Variants in TBC1D22A observed in about 807,000 individuals in gnomAD.
The protein encoded by TBC1D22A is putative GTPase activator.
Under a neutral mutation model 60.2 loss-of-function variants are expected in TBC1D22A, and 38 were observed. That is an observed-to-expected ratio of 0.63 (90% CI 0.49 to 0.83). The LOEUF (loss-of-function observed/expected upper bound fraction) is 0.83. TBC1D22A is among the 40% of genes least tolerant of loss of function. The probability of loss-of-function intolerance (pLI) is 0.00; values close to 1 mark genes in which losing one functional copy is unlikely to be tolerated. For synonymous variants in TBC1D22A, 302 were observed against 281.7 expected, an observed-to-expected ratio of 1.07 and a Z score of -0.72; for missense variants, 628 against 701.0, an observed-to-expected ratio of 0.90 and a Z score of 1.18.
intron 8 of TBC1D22A, among the ~76,000 whole-genome samples, chr22:46,927,573 G>A (rs1480986799): frequency 1.3e-5 from 2 of 152,090 alleles, no homozygotes; most frequent in African/African-American, 4.8e-5. Flanking sequence ...TTCTATTTTA[G>A]TACTGGTTCT....
intron 10 of TBC1D22A, among the ~76,000 whole-genome samples, chr22:47,016,525 T>C (rs968030050): frequency 3.3e-5 from 5 of 152,230 alleles, no homozygotes; most frequent in African/African-American, 4.8e-5. Context: ...TGGCTCATCC[T>C]GAGGACTGGG....
intron 8 of TBC1D22A, among the ~76,000 whole-genome samples, chr22:46,966,231 T>C (rs1456675374): frequency 2.6e-5 from 4 of 152,172 alleles, no homozygotes; most frequent in Non-Finnish European, 5.9e-5. Context: ...TGCTCATGCT[T>C]TCCAGCCCGG....
At chr22:47,156,218 C>T (rs1174746734) in intron 12 of TBC1D22A, among the ~76,000 whole-genome samples, 1 of 152,224 alleles carries the variant, frequency 6.6e-6, no homozygotes, top group Non-Finnish European at 1.5e-5. Context: ...GGGCTGGGAC[C>T]AATCAGGGGC....
At chr22:46,932,307 A>C (rs956740622) in intron 8 of TBC1D22A, among the ~76,000 whole-genome samples, 2 of 152,234 alleles carry the variant, frequency 1.3e-5, no homozygotes, top group Non-Finnish European at 2.9e-5. Context: ...TCCCGGCCCC[A>C]GAACTCATGG....
chr22:47,139,166 CTTTG>C (rs905578630), intron 12 of TBC1D22A, among the ~76,000 whole-genome samples: 15 of 152,190 alleles, frequency 9.9e-5, no homozygotes, highest in Non-Finnish European at 2.9e-5. Context: ...TGCTTTATTG[CTTTG>C]TTTATGTGCT....
At chr22:46,855,638 G>T (rs923341811) in intron 4 of TBC1D22A, among the ~76,000 whole-genome samples, 2 of 152,124 alleles carry the variant, frequency 1.3e-5, no homozygotes, top group Non-Finnish European at 2.9e-5. Context: ...AGAAATCCAG[G>T]ATTGATGGGG....
rs1222192477 is a variant in TBC1D22A at position 46,840,473 on chromosome 22, G to A, written c.638-38180G>A. Among the ~76,000 whole-genome samples the A allele has an allele frequency of 7.2e-5, 11 of 152,298 alleles. No homozygotes were observed. The East Asian group carries it at 1.7e-3, about 24-fold the overall frequency. On this transcript the variant is annotated intron_variant, in intron 4 of 12. Coordinates refer to ENST00000337137, the MANE Select transcript of TBC1D22A (RefSeq NM_014346.5). The stretch of plus-strand genomic sequence containing the variant: ...CAAATGAGGCTGGGTGGTGGCTCAC[G>A]CCTGTAATCCCAGCACTTTGGGAGC...
intron 5 of TBC1D22A, among the ~76,000 whole-genome samples, chr22:46,880,956 G>A (rs777664149): frequency 6.6e-6 from 1 of 152,168 alleles, no homozygotes; most frequent in African/African-American, 2.4e-5. Context: ...GCCAAGTAAG[G>A]CTTCTTGGGG....
chr22:46,787,152 G>GT (rs1255026569), intron 1 of TBC1D22A, among the ~76,000 whole-genome samples: 1 of 152,076 alleles, frequency 6.6e-6, no homozygotes, highest in Non-Finnish European at 1.5e-5. Flanking sequence ...TTTTATTTCT[G>GT]TAAGGTTGAT....
At chr22:46,913,846 AT>A in intron 8 of TBC1D22A, 1 of 817,246 alleles carries the variant, frequency 1.2e-6, no homozygotes, top group Non-Finnish European at 1.5e-6. Context: ...CATTTGCCTG[AT>A]TATCTGCAAG....
chr22:47,120,499 C>T (rs889717890), intron 12 of TBC1D22A, among the ~76,000 whole-genome samples: 1 of 152,224 alleles, frequency 6.6e-6, no homozygotes, highest in African/African-American at 2.4e-5. Flanking sequence ...TAAGCCAGCC[C>T]TAGAACTAGT....
chr22:47,032,797 C>T (rs1432682908), intron 10 of TBC1D22A, among the ~76,000 whole-genome samples: 1 of 152,232 alleles, frequency 6.6e-6, no homozygotes, highest in Non-Finnish European at 1.5e-5. Context: ...CAAGGCGGCA[C>T]CCACTTGCTG....
chr22:46,778,847 C>A (rs2083815279), intron 1 of TBC1D22A, among the ~76,000 whole-genome samples: 1 of 152,136 alleles, frequency 6.6e-6, no homozygotes, highest in Non-Finnish European at 1.5e-5. Flanking sequence ...AGTTCGAAAG[C>A]AGCCTGGCCA....
At chr22:46,826,074 G>C (rs563184516) in intron 4 of TBC1D22A, among the ~76,000 whole-genome samples, 1 of 151,962 alleles carries the variant, frequency 6.6e-6, no homozygotes, top group Admixed American at 6.6e-5. Flanking sequence ...AGTGAGATGG[G>C]GTTTCACCGT....
chr22:46,784,448 G>C (rs1188676919), intron 1 of TBC1D22A, among the ~76,000 whole-genome samples: 1 of 152,180 alleles, frequency 6.6e-6, no homozygotes, highest in African/African-American at 2.4e-5. Context: ...AATATCTTTA[G>C]TTGTAGTCTG....
chr22:46,885,993 C>T (rs1602313705), intron 5 of TBC1D22A, among the ~76,000 whole-genome samples: 1 of 151,258 alleles, frequency 6.6e-6, no homozygotes, highest in East Asian at 1.9e-4. Context: ...CTGCACGCTC[C>T]GCCTCCCAGG....
intron 1 of TBC1D22A, among the ~76,000 whole-genome samples, chr22:46,785,622 C>G (rs2084127235): frequency 6.6e-6 from 1 of 152,170 alleles, no homozygotes. Context: ...CTGTTCTAGT[C>G]CCCAAGTAAC....
chr22:46,775,947 C>G (rs1336439961), intron 1 of TBC1D22A, among the ~76,000 whole-genome samples: 1 of 152,228 alleles, frequency 6.6e-6, no homozygotes, highest in Admixed American at 6.5e-5. Context: ...GGGATGCGCT[C>G]TGTTTGCACA....
chr22:46,958,950 G>A (rs1257479415), intron 8 of TBC1D22A, among the ~76,000 whole-genome samples: 1 of 152,164 alleles, frequency 6.6e-6, no homozygotes, highest in Non-Finnish European at 1.5e-5. Flanking sequence ...AATACACCAT[G>A]CTCATTCTTC....
Sources: allele counts gnomAD v4.1 joint callset (sites outside exome capture counted in the v4.1 genomes callset), GRCh38; gene constraint gnomAD v4.1.1; transcripts MANE v1.5; gene names NCBI Gene and HGNC (gene_info 2026-07-23, HGNC 2026-07-21).